The following IL10RA variants were observed in gnomAD, a reference collection of about 807,000 sequenced individuals.
IL10RA encodes interleukin 10 receptor subunit alpha.
A neutral mutation model predicts 29.6 loss-of-function variants in IL10RA; 18 were observed. The ratio of observed to expected loss-of-function variants is 0.61; its 90% CI spans 0.42 to 0.90. IL10RA has a LOEUF of 0.90. Among genes scored for constraint, IL10RA ranks in the 40% least tolerant of loss-of-function variants. The pLI is 0.00. For missense variants in IL10RA, 634 were observed against 716.6 expected, an observed-to-expected ratio of 0.88 and a Z score of 1.32; for synonymous variants, 292 against 294.1, an observed-to-expected ratio of 0.99 and a Z score of 0.07.
chr11:117,994,217 G>A (rs1367645918), intron 5 of IL10RA, 68 bp downstream of exon 5: 29 of 1,422,222 alleles, frequency 2.0e-5, no homozygotes, highest in Admixed American at 9.0e-5. Context: ...TCCAAAACGC[G>A]TGCACCTGGG....
rs2058081239 is a variant in IL10RA at position 117,999,651 on chromosome 11, A to G, written c.*10A>G. ...GCAGTCAAGTGAGTGACTCGGGCTG[A>G]GAGGCTGCTTTTGATTTTAGCCATG... On this transcript the variant is annotated 3_prime_UTR_variant, in exon 7 of 7. Transcript: ENST00000227752. The G allele has an allele frequency of 1.2e-6, 2 of 1,611,614 alleles. No individual in the cohort carries two copies. Among genetic ancestry groups the G allele is most frequent in the Non-Finnish European group, 1.7e-6 (2 of 1,178,078 alleles).
chr11:117,995,423 C>T (rs1028277527), intron 5 of IL10RA, 166 bp from the exon 6 acceptor site: 25 of 809,916 alleles, frequency 3.1e-5, no homozygotes, highest in African/African-American at 8.4e-5. Flanking sequence ...GGTAGGGATT[C>T]GCAGAAACCT....
rs778481857 is a variant in IL10RA, at chr11:117,999,200, G to T, written c.1296G>T (p.Val432=). 1.2e-6 allele frequency: 2 copies of T among 1,614,130 alleles called. No homozygotes were observed. Among genetic ancestry groups the T allele is most frequent in the Non-Finnish European group, 1.7e-6 (2 of 1,180,052 alleles). Residue 432 remains valine (V), a synonymous_variant, in exon 7 of 7, where the codon GTG becomes GTT. Transcript: ENST00000227752. The part of the protein sequence containing the change: ...LGHHSPPEPE[V]PGEEDPAAVA... ...ACCACAGTCCCCCGGAGCCTGAGGT[G>T]CCTGGGGAAGAAGACCCAGCTGCTG...
chr11:117,992,747 C>T (rs1223996764), intron 3 of IL10RA, among the ~76,000 whole-genome samples: 7 of 152,174 alleles, frequency 4.6e-5, no homozygotes, highest in Admixed American at 1.3e-4. Context: ...CTTTAGGGAT[C>T]GTATCCAAGA....
rs1365381570 is a variant in IL10RA, at chr11:117,998,764, C to T, written c.860C>T (p.Pro287Leu). ...PFIFISQRPS[P>L]ETQDTIHPLD... is the part of the protein sequence containing the mutation. Reference sequence around the variant, plus strand: ...ATCTTCATCAGCCAGCGTCCCTCCCCAGAGACCCAAGACACCATCCACCCG... The same window carrying T: ...ATCTTCATCAGCCAGCGTCCCTCCCTAGAGACCCAAGACACCATCCACCCG... The change falls in exon 7 of 7, where the codon CCA becomes CTA. Residue 287 changes from proline (P) to leucine (L), a missense_variant. Pro to Leu is a moderately conservative substitution (Grantham distance 98, BLOSUM62 -3). Coordinates refer to ENST00000227752, the MANE Select transcript of IL10RA (RefSeq NM_001558.4). 6.2e-7 allele frequency: 1 copy of T among 1,614,166 alleles called. No individual in the cohort carries two copies. The highest frequency in any genetic ancestry group is 8.5e-7 in the Non-Finnish European group (1 of 1,180,036).
chr11:117,986,642 G>A (rs1314668851), intron 1 of IL10RA, 108 bp downstream of exon 1: 2 of 1,538,946 alleles, frequency 1.3e-6, no homozygotes, highest in East Asian at 2.4e-5. Context: ...CTGGCAGAGC[G>A]GTGCCCGGGT....
intron 6 of IL10RA, among the ~76,000 whole-genome samples, chr11:117,996,973 C>T (rs968987914): frequency 2.6e-5 from 4 of 152,210 alleles, no homozygotes; most frequent in African/African-American, 4.8e-5. Context: ...ATCTGATGAT[C>T]GTAGTCATTA....
Position 118,000,423 on chromosome 11 carries a change from C to A in IL10RA, c.*782C>A. The A allele has an allele frequency of 2.2e-6, 1 of 454,314 alleles. No homozygotes were observed. The highest frequency in any genetic ancestry group is 4.4e-6 in the Non-Finnish European group (1 of 226,810). The allele number at this position is 454,314 out of a possible 1,614,324, so 28.1% of individuals were successfully genotyped here. On this transcript the variant is annotated 3_prime_UTR_variant, in exon 7 of 7. Transcript: ENST00000227752. ...GCTGAGGCCAAGCCACTCACATCCT[C>A]ACTTTGCTGCCCCACCATCTTGCTG...
At chr11:117,997,009 G>C (rs1345245716) in intron 6 of IL10RA, among the ~76,000 whole-genome samples, 1 of 152,208 alleles carries the variant, frequency 6.6e-6, no homozygotes, top group African/African-American at 2.4e-5. Flanking sequence ...ATAATGCACA[G>C]AGCACTGACA....
At position 117,999,593 on chromosome 11, in the gene IL10RA, A is replaced by G. The variant is rs768512760; in HGVS notation, c.1689A>G (p.Ser563=). 24 of 1,614,156 alleles carry G rather than the reference A, an allele frequency of 1.5e-5. No homozygotes were observed. The highest frequency in any genetic ancestry group is 2.0e-5 in the Non-Finnish European group (24 of 1,180,028). ...APGGLLGSFN[S]DLVTLPLISS... ...GTGGTCTCCTGGGCAGCTTTAACTC[A>G]GACCTGGTCACCCTGCCCCTCATCT... is the stretch of plus-strand genomic sequence containing the variant. The change falls in exon 7 of 7, where the codon TCA becomes TCG. Residue 563 remains serine, a synonymous_variant. Coordinates refer to ENST00000227752, the MANE Select transcript of IL10RA (RefSeq NM_001558.4).
Position 117,999,760 on chromosome 11 carries a change from A to T in IL10RA, c.*119A>T. The T allele has an allele frequency of 1.1e-6, 1 of 922,002 alleles. No homozygotes were observed. The highest frequency in any genetic ancestry group is 1.7e-6 in the Non-Finnish European group (1 of 581,298). The allele number at this position is 922,002 out of a possible 1,614,324, so 57.1% of individuals were successfully genotyped here. On this transcript the variant is annotated 3_prime_UTR_variant, in exon 7 of 7. Coordinates refer to ENST00000227752, the MANE Select transcript of IL10RA (RefSeq NM_001558.4). ...AGTCTGGGCACTTTTCTGCAAGTCCACTGGGGCTGGCCCCAGCCAGGCCCT... is the reference window on the plus strand; with the variant it reads ...AGTCTGGGCACTTTTCTGCAAGTCCTCTGGGGCTGGCCCCAGCCAGGCCCT...
At chr11:117,991,489 A>C (rs1464006980) in intron 3 of IL10RA, among the ~76,000 whole-genome samples, 1 of 152,218 alleles carries the variant, frequency 6.6e-6, no homozygotes, top group East Asian at 1.9e-4. Flanking sequence ...AATAGGCACC[A>C]GAACTTATTC....
Position 117,998,700 on chromosome 11 carries a change from C to A in IL10RA, c.811-15C>A. The A allele has an allele frequency of 6.2e-7, 1 of 1,612,676 alleles. No homozygotes were observed. ...GGTGACTCCTGCTTCTCTCACTCTG[C>A]CCTCTCTTCCCCAGCTCTTCAAGAA... On this transcript the variant is annotated splice_polypyrimidine_tract_variant and intron_variant, in intron 6 of 6. Transcript: ENST00000227752.
At chr11:117,998,606 G>A (rs2058070861) in intron 6 of IL10RA, 109 bp from the exon 7 acceptor site, 8 of 868,494 alleles carry the variant, frequency 9.2e-6, no homozygotes, top group South Asian at 5.6e-5. Context: ...AATTTAGACT[G>A]TAGTCTCCTC....
chr11:117,993,904 G>A (rs957925788), intron 4 of IL10RA, 95 bp from the exon 5 acceptor site: 3 of 1,006,646 alleles, frequency 3.0e-6, no homozygotes, highest in African/African-American at 1.6e-5. Context: ...ACTGAAGGGG[G>A]TTGGCTGAAA....
At chr11:117,991,896 G>A (rs755568269) in intron 3 of IL10RA, among the ~76,000 whole-genome samples, 144 of 152,022 alleles carry the variant, frequency 9.5e-4, no homozygotes, top group Non-Finnish European at 4.7e-4. Flanking sequence ...CACCATGCCC[G>A]GCTAATTTTT....
intron 3 of IL10RA, among the ~76,000 whole-genome samples, chr11:117,992,823 TCAGGTGTTA>T (rs957137362): frequency 6.6e-6 from 1 of 152,260 alleles, no homozygotes; most frequent in Admixed American, 6.5e-5. Flanking sequence ...TTTTATAGTT[TCAGGTGTTA>T]CATTTGTCTT....
chr11:117,994,346 T>C, intron 5 of IL10RA, 197 bp downstream of exon 5: 1 of 582,788 alleles, frequency 1.7e-6, no homozygotes, highest in Middle Eastern at 4.6e-4. Flanking sequence ...TATTAGCAAC[T>C]TCCTAGGGTT....
chr11:117,998,738 C>T lies in IL10RA; in HGVS notation c.834C>T (p.Phe278=). 1 of 1,614,178 alleles carries T rather than the reference C, an allele frequency of 6.2e-7. No individual in the cohort carries two copies. The highest frequency in any genetic ancestry group is 1.3e-5 in the African/African-American group (1 of 75,044). Reference sequence around the variant, plus strand: ...AGCTCTTCAAGAAGCCCAGCCCCTTCATCTTCATCAGCCAGCGTCCCTCCC... The same window carrying T: ...AGCTCTTCAAGAAGCCCAGCCCCTTTATCTTCATCAGCCAGCGTCCCTCCC... ...SVLLFKKPSP[F]IFISQRPSPE... The change falls in exon 7 of 7, where the codon TTC becomes TTT. Residue 278 remains phenylalanine, a synonymous_variant. Transcript: ENST00000227752.
Sources: gnomAD v4.1 joint callset for allele counts (sites outside exome capture counted in the v4.1 genomes callset) on GRCh38, gnomAD v4.1.1 for gene constraint, MANE v1.5 for transcripts, NCBI Gene and HGNC (gene_info 2026-07-23, HGNC 2026-07-21) for gene names.